MTUS2: variants seen among roughly 807,000 people sequenced by gnomAD.
MTUS2 encodes microtubule associated scaffold protein 2.
A neutral mutation model predicts 114.1 loss-of-function variants in MTUS2; 40 were observed. The observed-to-expected ratio is 0.35, with a 90% CI of 0.27 to 0.46. MTUS2 has a LOEUF of 0.46. Among genes scored for constraint, MTUS2 ranks in the 20% least tolerant of loss-of-function variants. The pLI, the probability that MTUS2 is intolerant of heterozygous loss-of-function variation, is 1.00. For synonymous variants in MTUS2, 688 were observed against 672.0 expected (o/e 1.02, Z -0.37); for missense variants, 1,679 against 1,705.4 (o/e 0.98, Z 0.27).
At chr13:29,266,062 T>C (rs1897656427) in intron 5 of MTUS2, among the ~76,000 whole-genome samples, 1 of 151,826 alleles carries the variant, frequency 6.6e-6, no homozygotes, top group Admixed American at 6.6e-5. Flanking sequence ...TACGAAGCCA[T>C]AGGAGGACCA....
intron 2 of MTUS2, among the ~76,000 whole-genome samples, chr13:28,977,952 G>T (rs553067458): frequency 1.1e-4 from 16 of 152,160 alleles, no homozygotes; most frequent in African/African-American, 3.4e-4. Flanking sequence ...CTCTTTCCCG[G>T]ACTACCACAG....
At chr13:28,987,945 A>G (rs978942956) in intron 2 of MTUS2, among the ~76,000 whole-genome samples, 1 of 152,210 alleles carries the variant, frequency 6.6e-6, no homozygotes, top group Non-Finnish European at 1.5e-5. Context: ...GGCTAGGGGA[A>G]TAGATCCTGC....
chr13:29,298,578 A>G (rs754722758), intron 6 of MTUS2, among the ~76,000 whole-genome samples: 4 of 152,056 alleles, frequency 2.6e-5, no homozygotes, highest in Non-Finnish European at 4.4e-5. Flanking sequence ...CTCAAGTATC[A>G]TTTTCTCTTT....
intron 5 of MTUS2, among the ~76,000 whole-genome samples, chr13:29,208,303 T>C (rs1895279736): frequency 6.6e-6 from 1 of 152,110 alleles, no homozygotes; most frequent in South Asian, 2.1e-4. Flanking sequence ...TAATCGAGTT[T>C]ATTTGGATCT....
intron 2 of MTUS2, among the ~76,000 whole-genome samples, chr13:28,998,805 A>G (rs77142687): frequency 2.0e-5 from 3 of 152,068 alleles, no homozygotes; most frequent in Non-Finnish European, 2.9e-5. Flanking sequence ...ATTTTTTTTC[A>G]AAGTTTTTAA....
At chr13:29,385,354 C>A (rs1276165177) in intron 8 of MTUS2, among the ~76,000 whole-genome samples, 1 of 152,196 alleles carries the variant, frequency 6.6e-6, no homozygotes, top group Non-Finnish European at 1.5e-5. Context: ...TTCACACCTG[C>A]AGATTCCCAG....
chr13:29,370,427 T>A (rs961733008), intron 8 of MTUS2, among the ~76,000 whole-genome samples: 2 of 151,654 alleles, frequency 1.3e-5, no homozygotes, highest in African/African-American at 4.8e-5. Flanking sequence ...CACCCGTGAA[T>A]AGCCTCTGCA....
chr13:29,068,658 A>T (rs1888772442), intron 4 of MTUS2, among the ~76,000 whole-genome samples: 1 of 152,176 alleles, frequency 6.6e-6, no homozygotes, highest in South Asian at 2.1e-4. Flanking sequence ...CAGGAAGTTT[A>T]TCAGGTATAG....
At chr13:29,405,827 G>A (rs754972061) in intron 8 of MTUS2, among the ~76,000 whole-genome samples, 14 of 147,150 alleles carry the variant, frequency 9.5e-5, no homozygotes, top group African/African-American at 1.3e-4. Flanking sequence ...TGCAACCTCC[G>A]CCTCCCGGGT....
chr13:29,354,362 A>C (rs1461914701), intron 7 of MTUS2, among the ~76,000 whole-genome samples: 1 of 151,470 alleles, frequency 6.6e-6, no homozygotes, highest in Non-Finnish European at 1.5e-5. Context: ...TAACACTATT[A>C]AGCCACTATT....
intron 2 of MTUS2, among the ~76,000 whole-genome samples, chr13:28,895,883 G>T (rs1879236349): frequency 1.3e-5 from 2 of 152,302 alleles, no homozygotes; most frequent in East Asian, 3.9e-4. Flanking sequence ...AATTCTGTGA[G>T]ATGGTGCAGA....
At position 28,969,703 on chromosome 13, in the gene MTUS2, C is replaced by T. The variant is rs150060505; in HGVS notation, c.-242-54754C>T. On this transcript the variant is annotated intron_variant, in intron 2 of 15. Transcript: ENST00000612955. Reference sequence around the variant, plus strand: ...TATTTTTAGTAGAAATGGGGTTCTACCATGTTGGCCAGGATGGTCTTGATC... The same window carrying T: ...TATTTTTAGTAGAAATGGGGTTCTATCATGTTGGCCAGGATGGTCTTGATC... Among the ~76,000 whole-genome samples, 1,109 of 151,996 alleles carry T rather than the reference C, an allele frequency of 7.3e-3. 16 individuals carry two copies. The highest frequency in any genetic ancestry group is 0.026 in the African/African-American group (1,059 of 41,448).
At chr13:29,502,229 G>A (rs907946284) in intron 15 of MTUS2, among the ~76,000 whole-genome samples, 8 of 152,218 alleles carry the variant, frequency 5.3e-5, no homozygotes, top group Non-Finnish European at 8.8e-5. Context: ...TGATTTTTCT[G>A]GACTTCAGTC....
At chr13:28,914,954 C>G (rs1195833119) in intron 2 of MTUS2, among the ~76,000 whole-genome samples, 1 of 151,700 alleles carries the variant, frequency 6.6e-6, no homozygotes, top group Non-Finnish European at 1.5e-5. Flanking sequence ...GGTAAATTTC[C>G]TCCATTCCTT....
intron 8 of MTUS2, among the ~76,000 whole-genome samples, chr13:29,367,531 G>A (rs979976046): frequency 1.3e-5 from 2 of 152,178 alleles, no homozygotes; most frequent in African/African-American, 4.8e-5. Flanking sequence ...ATGGATGGCA[G>A]CAAGAAAACC....
At chr13:29,110,812 G>A (rs866745639) in intron 5 of MTUS2, among the ~76,000 whole-genome samples, 2 of 152,072 alleles carry the variant, frequency 1.3e-5, no homozygotes, top group Non-Finnish European at 2.9e-5. Flanking sequence ...GGTTTATAAA[G>A]TTTATAAGTG....
chr13:29,300,891 G>T (rs1018856904), intron 6 of MTUS2, among the ~76,000 whole-genome samples: 6 of 152,068 alleles, frequency 3.9e-5, no homozygotes, highest in African/African-American at 7.3e-5. Context: ...TATAAACAAC[G>T]AACATTTATT....
intron 2 of MTUS2, among the ~76,000 whole-genome samples, chr13:28,926,036 C>T (rs903047153): frequency 3.3e-5 from 5 of 152,208 alleles, no homozygotes; most frequent in Non-Finnish European, 5.9e-5. Flanking sequence ...TTTGAATGAA[C>T]AGTGCTTTGC....
chr13:29,357,220 G>T (rs1869825218), intron 7 of MTUS2, among the ~76,000 whole-genome samples: 1 of 152,044 alleles, frequency 6.6e-6, no homozygotes, highest in Admixed American at 6.5e-5. Flanking sequence ...TGTTATTAAA[G>T]GTGGTAGTTC....
Sources: allele counts gnomAD v4.1 joint callset (sites outside exome capture counted in the v4.1 genomes callset), GRCh38; gene constraint gnomAD v4.1.1; transcripts MANE v1.5; gene names NCBI Gene and HGNC (gene_info 2026-07-23, HGNC 2026-07-21).